SRGAP1: variants seen among roughly 807,000 people sequenced by gnomAD.
The protein encoded by SRGAP1 is SLIT-ROBO Rho GTPase activating protein 1.
Under a neutral mutation model 121.9 loss-of-function variants are expected in SRGAP1, and 43 were observed. That is an observed-to-expected ratio of 0.35 (90% CI 0.28 to 0.46). The LOEUF (loss-of-function observed/expected upper bound fraction) is 0.46, where lower values mean the gene tolerates loss of function less well. Ranked by LOEUF, SRGAP1 falls within the 20% of genes least tolerant of loss-of-function variation. The probability of loss-of-function intolerance (pLI) is 1.00; values close to 1 mark genes in which losing one functional copy is unlikely to be tolerated. For missense variants in SRGAP1, 1,102 were observed against 1,350.9 expected (o/e 0.82, Z 2.89); for synonymous variants, 447 against 485.4 (o/e 0.92, Z 1.04).
chr12:63,865,082 G>A (rs1237631097), intron 1 of SRGAP1, among the ~76,000 whole-genome samples: 3 of 152,008 alleles, frequency 2.0e-5, no homozygotes, highest in African/African-American at 7.2e-5. Flanking sequence ...TTATTACTAG[G>A]CTGAAACACA....
chr12:64,070,403 T>G (rs1267458765), intron 8 of SRGAP1, among the ~76,000 whole-genome samples: 1 of 152,240 alleles, frequency 6.6e-6, no homozygotes, highest in Admixed American at 6.5e-5. Flanking sequence ...TGCCCCATTT[T>G]CAGACCATTT....
At chr12:63,967,869 T>C (rs572303825) in intron 1 of SRGAP1, among the ~76,000 whole-genome samples, 1 of 152,318 alleles carries the variant, frequency 6.6e-6, no homozygotes, top group African/African-American at 2.4e-5. Flanking sequence ...TCAACAGTGC[T>C]CATCCTGAGA....
intron 1 of SRGAP1, among the ~76,000 whole-genome samples, chr12:63,898,303 T>C (rs1900820246): frequency 6.6e-6 from 1 of 152,262 alleles, no homozygotes; most frequent in Non-Finnish European, 1.5e-5. Context: ...AGTTATAGAA[T>C]GTAATATAGT....
chr12:63,894,977 CT>C (rs1900708309), intron 1 of SRGAP1, among the ~76,000 whole-genome samples: 1 of 152,078 alleles, frequency 6.6e-6, no homozygotes, highest in African/African-American at 2.4e-5. Flanking sequence ...ATTTATAATC[CT>C]TTGGGTCTAT....
intron 4 of SRGAP1, among the ~76,000 whole-genome samples, chr12:64,041,673 G>A (rs1284639072): frequency 5.9e-5 from 9 of 151,690 alleles, no homozygotes; most frequent in Non-Finnish European, 1.2e-4. Flanking sequence ...CAAGCGTGAA[G>A]CCACCATGCC....
intron 1 of SRGAP1, among the ~76,000 whole-genome samples, chr12:63,892,516 A>G (rs1900620545): frequency 6.6e-6 from 1 of 152,154 alleles, no homozygotes. Context: ...ATGCTTGTAT[A>G]TTTTAACAGT....
At chr12:64,018,292 T>C (rs1245159010) in intron 4 of SRGAP1, among the ~76,000 whole-genome samples, 1 of 152,158 alleles carries the variant, frequency 6.6e-6, no homozygotes, top group Non-Finnish European at 1.5e-5. Flanking sequence ...GGTTTCGCCA[T>C]GTTGGCCAGG....
chr12:64,147,753 G>C lies in SRGAP1; in HGVS notation c.*5081G>C, dbSNP rs911363331. The C allele has an allele frequency of 5.0e-6, 2 of 398,024 alleles. No homozygotes were observed. The highest frequency in any genetic ancestry group is 8.8e-6 in the Non-Finnish European group (2 of 226,004). 24.7% of individuals were successfully genotyped at this position (398,024 alleles called of 1,614,324 possible). On this transcript the variant is annotated 3_prime_UTR_variant, in exon 22 of 22. Coordinates refer to ENST00000355086, the MANE Select transcript of SRGAP1 (RefSeq NM_020762.4). The stretch of plus-strand genomic sequence containing the variant: ...TTATGTATAGTACTGTACATTTTTG[G>C]CATGTACCATTACAGGCTTCAGTAT...
chr12:64,109,341 A>G (rs1240488522), intron 16 of SRGAP1, among the ~76,000 whole-genome samples: 2 of 152,086 alleles, frequency 1.3e-5, no homozygotes, highest in African/African-American at 4.8e-5. Context: ...TTCATCCAAA[A>G]CTGTCATGAA....
chr12:64,039,763 T>TG (rs2034977681), intron 4 of SRGAP1, among the ~76,000 whole-genome samples: 1 of 151,936 alleles, frequency 6.6e-6, no homozygotes, highest in Non-Finnish European at 1.5e-5. Flanking sequence ...TAGAAAGAAA[T>TG]GCAAGGTGTG....
chr12:63,867,276 CCTT>C (rs1262294259), intron 1 of SRGAP1, among the ~76,000 whole-genome samples: 8 of 152,318 alleles, frequency 5.3e-5, no homozygotes, highest in African/African-American at 1.7e-4. Context: ...AGTTTGCTGA[CCTT>C]CATCTGAGTA....
intron 1 of SRGAP1, among the ~76,000 whole-genome samples, chr12:63,953,297 T>C (rs1027467011): frequency 1.3e-4 from 20 of 152,174 alleles, no homozygotes; most frequent in African/African-American, 4.6e-4. Flanking sequence ...ATTAAGTTTC[T>C]ATTTTATTTT....
chr12:63,885,622 T>C lies in SRGAP1; in HGVS notation c.67+40739T>C, dbSNP rs182988227. 1.1e-3 allele frequency among the ~76,000 whole-genome samples: 175 copies of C among 152,350 alleles called. 1 individual carries two copies. The highest frequency in any genetic ancestry group is 4.1e-3 in the African/African-American group (172 of 41,580). ...GGCCTCTCTGTACAGCATTCTTTCCTTGAAGGTACGGGGCAAGACCCTCTC... is the reference window on the plus strand; with the variant it reads ...GGCCTCTCTGTACAGCATTCTTTCCCTGAAGGTACGGGGCAAGACCCTCTC... On this transcript the variant is annotated intron_variant, in intron 1 of 21. Coordinates refer to ENST00000355086, the MANE Select transcript of SRGAP1 (RefSeq NM_020762.4).
intron 21 of SRGAP1, among the ~76,000 whole-genome samples, chr12:64,141,847 A>G (rs1257327378): frequency 6.6e-6 from 1 of 152,008 alleles, no homozygotes; most frequent in African/African-American, 2.4e-5. Flanking sequence ...GCTACTCAGG[A>G]GGCTACTCAG....
chr12:64,121,414 T>C (rs990028233), intron 18 of SRGAP1, among the ~76,000 whole-genome samples: 2 of 152,088 alleles, frequency 1.3e-5, no homozygotes, highest in African/African-American at 2.4e-5. Context: ...TCTTTTTTTA[T>C]TTTTATTTTT....
chr12:64,020,463 A>G (rs138130823), intron 4 of SRGAP1, among the ~76,000 whole-genome samples: 106 of 150,114 alleles, frequency 7.1e-4, no homozygotes, highest in East Asian at 1.9e-3. Context: ...ATTTGCTGGG[A>G]AAAAAAAAGA....
intron 11 of SRGAP1, among the ~76,000 whole-genome samples, chr12:64,090,129 A>G (rs573144649): frequency 6.6e-6 from 1 of 152,344 alleles, no homozygotes; most frequent in Non-Finnish European, 1.5e-5. Context: ...TATTTCATTC[A>G]GCACAGTAGT....
intron 21 of SRGAP1, among the ~76,000 whole-genome samples, chr12:64,131,261 A>G (rs932757232): frequency 6.6e-6 from 1 of 152,202 alleles, no homozygotes; most frequent in African/African-American, 2.4e-5. Context: ...ACAGTTTTTG[A>G]CCACTCAGAG....
chr12:63,930,215 G>A (rs1412000518), intron 1 of SRGAP1, among the ~76,000 whole-genome samples: 2 of 151,916 alleles, frequency 1.3e-5, no homozygotes, highest in East Asian at 3.9e-4. Context: ...CCATGGCTGG[G>A]CATGGTGGCT....
Sources: allele counts gnomAD v4.1 joint callset (sites outside exome capture counted in the v4.1 genomes callset), GRCh38; gene constraint gnomAD v4.1.1; transcripts MANE v1.5; gene names NCBI Gene and HGNC (gene_info 2026-07-23, HGNC 2026-07-21).